The following UFSP2 variants were observed in gnomAD, a reference collection of about 807,000 sequenced individuals.
The protein encoded by UFSP2 is UFM1 specific peptidase 2, also known as ufm1-specific protease 2.
A neutral mutation model predicts 60.2 loss-of-function variants in UFSP2; 43 were observed. The observed-to-expected ratio is 0.71, with a 90% CI of 0.56 to 0.92. The LOEUF is 0.92. Ranked by LOEUF, UFSP2 falls within the 40% of genes least tolerant of loss-of-function variation. The pLI is 0.00. For missense variants in UFSP2, 520 were observed against 575.0 expected, an observed-to-expected ratio of 0.90 and a Z score of 0.98; for synonymous variants, 183 against 195.1, an observed-to-expected ratio of 0.94 and a Z score of 0.52.
At chr4:185,408,224 T>A in intron 8 of UFSP2, 47 bp downstream of exon 8, 1 of 1,591,236 alleles carries the variant, frequency 6.3e-7, no homozygotes, top group South Asian at 1.1e-5. Flanking sequence ...TATTAAGGGC[T>A]AATGAAACAT....
chr4:185,407,901 G>T, intron 9 of UFSP2, 35 bp downstream of exon 9: 1 of 1,581,076 alleles, frequency 6.3e-7, no homozygotes, highest in Non-Finnish European at 8.6e-7. Flanking sequence ...CTGTCACTTT[G>T]AAATGATTTA....
chr4:185,401,990 A>C (rs1197484141), intron 11 of UFSP2, among the ~76,000 whole-genome samples: 1 of 152,190 alleles, frequency 6.6e-6, no homozygotes, highest in African/African-American at 2.4e-5. Context: ...GTGTCCTTCC[A>C]GCCTCACCTC....
intron 2 of UFSP2, among the ~76,000 whole-genome samples, chr4:185,421,633 T>C (rs1035247261): frequency 1.3e-5 from 2 of 152,202 alleles, no homozygotes; most frequent in African/African-American, 4.8e-5. Flanking sequence ...CACCATGCTT[T>C]TTGTACAGTC....
At chr4:185,401,315 A>T (rs1158031698) in intron 11 of UFSP2, among the ~76,000 whole-genome samples, 1 of 152,194 alleles carries the variant, frequency 6.6e-6, no homozygotes, top group East Asian at 1.9e-4. Flanking sequence ...GCATTCTATT[A>T]ATCATCTCAT....
At chr4:185,419,880 T>G (rs2153293302) in intron 2 of UFSP2, among the ~76,000 whole-genome samples, 1 of 152,362 alleles carries the variant, frequency 6.6e-6, no homozygotes, top group African/African-American at 2.4e-5. Flanking sequence ...CATCTGTGCA[T>G]AAGTTCAGTT....
At chr4:185,405,656 A>G (rs1227026381) in intron 10 of UFSP2, 124 bp downstream of exon 10, 2 of 998,892 alleles carry the variant, frequency 2.0e-6, no homozygotes, top group Non-Finnish European at 2.9e-6. Flanking sequence ...ATCCATACAT[A>G]TGGTGTAAAA....
At chr4:185,416,050 T>C (rs1358001005) in intron 4 of UFSP2, 183 bp from the exon 5 acceptor site, 1 of 451,434 alleles carries the variant, frequency 2.2e-6, no homozygotes, top group Non-Finnish European at 3.8e-6. Flanking sequence ...TGGCTGTGAA[T>C]GATCAACTGA....
At chr4:185,416,068 C>T (rs934235379) in intron 4 of UFSP2, 24 of 414,286 alleles carry the variant, frequency 5.8e-5, no homozygotes, top group Non-Finnish European at 8.9e-5. Context: ...TGAGATAACT[C>T]ACTACCCTCA....
intron 6 of UFSP2, among the ~76,000 whole-genome samples, chr4:185,414,586 C>T (rs1476616922): frequency 3.3e-5 from 5 of 152,088 alleles, no homozygotes; most frequent in Non-Finnish European, 7.4e-5. Flanking sequence ...GAAGATGCTC[C>T]ACGGTCTAAT....
In UFSP2 at chr4:185,413,853, T is replaced by C. The variant is rs188710819; in HGVS notation, c.704A>G (p.Asn235Ser). ...AYRKELHDLF[N>S]LPHDRPYFKR... is the part of the protein sequence containing the mutation. ...GAAATAGGGTCTGTCGTGAGGCAGA[T>C]TGAAAAGATCATGTAACTCCTAAAA... Residue 235 changes from asparagine to serine, a missense_variant, in exon 7 of 12, where the codon AAT (asparagine) becomes AGT (serine). By Grantham distance (46) the Asn-to-Ser change is conservative. Transcript: ENST00000264689. The C allele has an allele frequency of 3.3e-4, 524 of 1,606,918 alleles. 8 individuals carry two copies. The Admixed American group carries it at 8.5e-3, about 26-fold the overall frequency.
chr4:185,415,183 G>T lies in UFSP2; in HGVS notation c.656C>A (p.Pro219Gln). ...LVTISYPSGIPDGQLQAYRKE... is the reference protein window; with the variant it reads ...LVTISYPSGIQDGQLQAYRKE... ...CCTATAGGCCTGCAGCTGGCCATCT[G>T]GTATTCCTGAAGGATATGAAATTGT... Residue 219 changes from proline (P) to glutamine (Q), a missense_variant, in exon 6 of 12, where the codon CCA becomes CAA. Transcript: ENST00000264689. 1 of 1,601,646 alleles carries T rather than the reference G, an allele frequency of 6.2e-7. No homozygotes were observed. The highest frequency in any genetic ancestry group is 2.3e-5 in the East Asian group (1 of 44,078).
At position 185,399,654 on chromosome 4, in the gene UFSP2, T is replaced by G; in HGVS notation, c.*738A>C. The G allele has an allele frequency of 6.2e-7, 1 of 1,614,192 alleles. No individual in the cohort carries two copies. Among genetic ancestry groups the G allele is most frequent in the Non-Finnish European group, 8.5e-7 (1 of 1,180,016 alleles). On this transcript the variant is annotated 3_prime_UTR_variant, in exon 12 of 12. Transcript: ENST00000264689. ...ACTGTGCCAAGTTTCTTACAACAAT[T>G]AAATGTATGCAGACAATAAAAGCAA...
At chr4:185,408,861 C>A (rs574081989) in intron 7 of UFSP2, among the ~76,000 whole-genome samples, 65 of 152,322 alleles carry the variant, frequency 4.3e-4, no homozygotes, top group African/African-American at 1.5e-3. Context: ...ATCCAGTCTA[C>A]AAACGGCCCA....
At chr4:185,403,974 A>AC (rs1475111558) in intron 10 of UFSP2, among the ~76,000 whole-genome samples, 1 of 149,738 alleles carries the variant, frequency 6.7e-6, no homozygotes. Context: ...CTCAAAAAAA[A>AC]AAACAAAAAA....
chr4:185,402,608 C>T (rs2095514662), intron 11 of UFSP2, among the ~76,000 whole-genome samples: 1 of 151,938 alleles, frequency 6.6e-6, no homozygotes. Flanking sequence ...CCCAAATAGC[C>T]AAGATTATAG....
At chr4:185,422,618 T>A (rs2095551447) in intron 1 of UFSP2, 55 bp from the exon 2 acceptor site, 3 of 1,167,864 alleles carry the variant, frequency 2.6e-6, no homozygotes, top group Non-Finnish European at 3.7e-6. Context: ...CAAACTCATA[T>A]TCATATAAAT....
chr4:185,418,580 TACTC>T lies in UFSP2; in HGVS notation c.266+3_266+6del. The T allele has an allele frequency of 6.2e-7, 1 of 1,612,666 alleles. No individual in the cohort carries two copies. On this transcript the variant is annotated splice_donor_5th_base_variant and intron_variant, in intron 3 of 11. Transcript: ENST00000264689. ...AAACATTTCTAGAAATCTTCAAACA[TACTC>T]ACTGAATAAAGCGCAGTATGTTCTT...
In UFSP2 at chr4:185,415,351, T is replaced by TTTCTTC; in HGVS notation, c.492-5_492-4insGAAGAA. The TTTCTTC allele has an allele frequency of 6.4e-7, 1 of 1,566,736 alleles. No individual in the cohort carries two copies. Among genetic ancestry groups the TTTCTTC allele is most frequent in the South Asian group, 1.2e-5 (1 of 82,564 alleles). On this transcript the variant is annotated splice_region_variant and splice_polypyrimidine_tract_variant and intron_variant, in intron 5 of 11. Transcript: ENST00000264689. ...ATCAACCAGGAGTTTACGAACTCTG[T>TTTCTTC]GGGGGGAAATATATAAGTGTATTAA...
chr4:185,405,979 T>TA (rs756876137), intron 9 of UFSP2, 123 bp from the exon 10 acceptor site: 17 of 1,538,354 alleles, frequency 1.1e-5, no homozygotes, highest in Middle Eastern at 1.7e-4. Context: ...TATATAAATG[T>TA]AAAAAAATTA....
Sources: allele counts gnomAD v4.1 joint callset (sites outside exome capture counted in the v4.1 genomes callset), GRCh38; gene constraint gnomAD v4.1.1; transcripts MANE v1.5; gene names NCBI Gene and HGNC (gene_info 2026-07-23, HGNC 2026-07-21).